The following ARHGAP44 variants were observed in gnomAD, a reference collection of about 807,000 sequenced individuals.
ARHGAP44 encodes rho GTPase-activating protein 44.
ARHGAP44 carries 43 observed loss-of-function variants against 106.8 expected under a neutral mutation model. The observed-to-expected ratio is 0.40, with a 90% CI of 0.32 to 0.52. The LOEUF (loss-of-function observed/expected upper bound fraction) is 0.52, where lower values mean the gene tolerates loss of function less well. Among genes scored for constraint, ARHGAP44 ranks in the 20% least tolerant of loss-of-function variants. The probability of loss-of-function intolerance (pLI) is 0.48; values close to 1 mark genes in which losing one functional copy is unlikely to be tolerated. For missense variants in ARHGAP44, 866 were observed against 1,050.5 expected (o/e 0.82, Z 2.43); for synonymous variants, 439 against 410.3 (o/e 1.07, Z -0.85).
chr17:12,860,648 T>A (rs17631461), intron 1 of ARHGAP44, among the ~76,000 whole-genome samples: 1,953 of 152,272 alleles, frequency 0.013, 16 homozygotes, highest in Non-Finnish European at 0.022. Flanking sequence ...TTTTCCTGCT[T>A]ATTTTCCATT....
At chr17:12,940,238 G>T (rs112139279) in intron 7 of ARHGAP44, among the ~76,000 whole-genome samples, 216 of 152,042 alleles carry the variant, frequency 1.4e-3, no homozygotes, top group African/African-American at 5.1e-3. Context: ...CTGCACAAGG[G>T]AGGAACCTTA....
chr17:12,841,903 T>G (rs530332755), intron 1 of ARHGAP44, among the ~76,000 whole-genome samples: 2 of 152,090 alleles, frequency 1.3e-5, no homozygotes, highest in Admixed American at 6.6e-5. Flanking sequence ...CATATAGTTA[T>G]GCAAACACGT....
chr17:12,854,563 G>A (rs547574603), intron 1 of ARHGAP44, among the ~76,000 whole-genome samples: 3 of 152,114 alleles, frequency 2.0e-5, no homozygotes, highest in Non-Finnish European at 4.4e-5. Context: ...AAAGTGAGGT[G>A]GACCTACAAG....
intron 7 of ARHGAP44, among the ~76,000 whole-genome samples, chr17:12,931,571 A>T (rs1307252385): frequency 6.6e-6 from 1 of 151,582 alleles, no homozygotes; most frequent in African/African-American, 2.4e-5. Flanking sequence ...ATCTCCGCTC[A>T]CTGCAAGCTC....
intron 20 of ARHGAP44, chr17:12,985,974 C>T (rs1028345992): frequency 6.6e-6 from 1 of 152,206 alleles, no homozygotes; most frequent in Non-Finnish European, 1.5e-5. Flanking sequence ...ACTTTTCCCT[C>T]CACGTCCTTC....
intron 4 of ARHGAP44, among the ~76,000 whole-genome samples, chr17:12,914,628 C>T (rs565611352): frequency 6.6e-6 from 1 of 152,100 alleles, no homozygotes; most frequent in Middle Eastern, 3.4e-3. Flanking sequence ...AACCCCATGT[C>T]TACTAAAAAT....
intron 1 of ARHGAP44, among the ~76,000 whole-genome samples, chr17:12,796,113 T>C (rs1350437239): frequency 6.8e-6 from 1 of 147,090 alleles, no homozygotes; most frequent in Admixed American, 7.0e-5. Flanking sequence ...ATTTTGGATA[T>C]AGTCTTTCAG....
At chr17:12,793,038 T>C (rs2033813299) in intron 1 of ARHGAP44, among the ~76,000 whole-genome samples, 2 of 152,238 alleles carry the variant, frequency 1.3e-5, no homozygotes, top group Non-Finnish European at 2.9e-5. Context: ...CTGGCCACTG[T>C]GTGCCTCATG....
At chr17:12,878,139 C>CTGA (rs1266389928) in intron 1 of ARHGAP44, among the ~76,000 whole-genome samples, 4 of 152,054 alleles carry the variant, frequency 2.6e-5, no homozygotes, top group Non-Finnish European at 5.9e-5. Flanking sequence ...TATTGCAGAC[C>CTGA]TTTTCAGAGC....
At chr17:12,978,925 G>GT (rs1427770312) in intron 18 of ARHGAP44, among the ~76,000 whole-genome samples, 9 of 152,118 alleles carry the variant, frequency 5.9e-5, no homozygotes, top group African/African-American at 2.2e-4. Context: ...CTGACCTCAG[G>GT]TGACCTGCCT....
intron 1 of ARHGAP44, among the ~76,000 whole-genome samples, chr17:12,814,263 TG>T (rs2034529189): frequency 7.5e-6 from 1 of 133,720 alleles, no homozygotes; most frequent in Non-Finnish European, 1.6e-5. Context: ...TTTTTTGAGA[TG>T]GAGTCTTGCA....
Position 12,949,805 on chromosome 17 carries a change from T to C in ARHGAP44, c.1055+75T>C. 1 of 1,441,678 alleles carries C rather than the reference T, an allele frequency of 6.9e-7. No homozygotes were observed. Among genetic ancestry groups the C allele is most frequent in the Non-Finnish European group, 9.7e-7 (1 of 1,032,116 alleles). The allele number at this position is 1,441,678 out of a possible 1,614,324, so 89.3% of individuals were successfully genotyped here. On this transcript the variant is annotated intron_variant, in intron 12 of 20. Transcript: ENST00000379672. The surrounding 1 kb of genome is among the most constrained non-coding windows in gnomAD (Gnocchi z 4.1). Reference sequence around the variant, plus strand: ...AGTATGTGCTGAAATTATAGAAGCATGTAACCTATGATCTCGCAACCCCGT... The same window carrying C: ...AGTATGTGCTGAAATTATAGAAGCACGTAACCTATGATCTCGCAACCCCGT...
chr17:12,981,903 C>G (rs2039841709), intron 19 of ARHGAP44, among the ~76,000 whole-genome samples: 1 of 152,036 alleles, frequency 6.6e-6, no homozygotes, highest in Non-Finnish European at 1.5e-5. Flanking sequence ...CCCAGCTACT[C>G]AGGAGGCTGA....
At chr17:12,825,917 C>A (rs563043253) in intron 1 of ARHGAP44, among the ~76,000 whole-genome samples, 1 of 152,166 alleles carries the variant, frequency 6.6e-6, no homozygotes, top group African/African-American at 2.4e-5. Flanking sequence ...TTTCTACTTT[C>A]CACCTGTAGC....
intron 15 of ARHGAP44, among the ~76,000 whole-genome samples, chr17:12,957,411 C>T (rs1054164845): frequency 6.6e-6 from 1 of 152,150 alleles, no homozygotes; most frequent in Non-Finnish European, 1.5e-5. Context: ...ATCCTCTGCC[C>T]CAAATCCTTC....
chr17:12,841,866 G>A (rs1431174835), intron 1 of ARHGAP44, among the ~76,000 whole-genome samples: 1 of 152,106 alleles, frequency 6.6e-6, no homozygotes, highest in East Asian at 1.9e-4. Context: ...TTTAAAAATT[G>A]TTCGGGGTTT....
intron 7 of ARHGAP44, among the ~76,000 whole-genome samples, chr17:12,931,917 T>C (rs1389204354): frequency 1.3e-5 from 2 of 151,948 alleles, no homozygotes; most frequent in Admixed American, 1.3e-4. Context: ...TATTAATGGA[T>C]GTTCAAACTG....
At chr17:12,971,705 T>G (rs2143311708) in intron 16 of ARHGAP44, among the ~76,000 whole-genome samples, 1 of 152,246 alleles carries the variant, frequency 6.6e-6, no homozygotes, top group East Asian at 1.9e-4. Flanking sequence ...TGGTAGAAGG[T>G]TCTCAGACCC....
At chr17:12,952,421 A>G (rs1174487554) in intron 12 of ARHGAP44, 80 bp from the exon 13 acceptor site, 1 of 1,165,582 alleles carries the variant, frequency 8.6e-7, no homozygotes, top group African/African-American at 1.5e-5. Context: ...ATCAAATATT[A>G]CAATGATTGG....
Sources: gnomAD v4.1 joint callset for allele counts (sites outside exome capture counted in the v4.1 genomes callset) on GRCh38, gnomAD v4.1.1 for gene constraint, Gnocchi (gnomAD v3.1) non-coding constraint, MANE v1.5 for transcripts, NCBI Gene and HGNC (gene_info 2026-07-23, HGNC 2026-07-21) for gene names.